DOCK2: variants seen among roughly 807,000 people sequenced by gnomAD.
DOCK2 encodes dedicator of cytokinesis protein 2.
DOCK2 carries 87 observed loss-of-function variants against 248.9 expected under a neutral mutation model. That is an observed-to-expected ratio of 0.35 (90% confidence interval 0.29 to 0.42). DOCK2 has a LOEUF of 0.42. Ranked by LOEUF, DOCK2 falls within the 10% of genes least tolerant of loss-of-function variation. The pLI is 1.00. For missense variants in DOCK2, 1,747 were observed against 2,300.2 expected (o/e 0.76, Z 4.92); for synonymous variants, 805 against 821.6 (o/e 0.98, Z 0.35).
At chr5:169,919,044 G>A (rs2113644931) in intron 27 of DOCK2, among the ~76,000 whole-genome samples, 1 of 152,286 alleles carries the variant, frequency 6.6e-6, no homozygotes, top group Admixed American at 6.5e-5. Flanking sequence ...GATTCAATAT[G>A]GTGGTCAAGG....
At chr5:169,962,691 C>T (rs551404438) in intron 27 of DOCK2, among the ~76,000 whole-genome samples, 2 of 152,022 alleles carry the variant, frequency 1.3e-5, no homozygotes, top group South Asian at 2.1e-4. Flanking sequence ...TTGGAAAATA[C>T]GGCACTAAAA....
chr5:169,874,167 C>A (rs1231384395), intron 27 of DOCK2, among the ~76,000 whole-genome samples: 1 of 152,084 alleles, frequency 6.6e-6, no homozygotes, highest in South Asian at 2.1e-4. Context: ...AATCCCAACA[C>A]TTTGGGAGGC....
intron 27 of DOCK2, among the ~76,000 whole-genome samples, chr5:169,925,287 C>T (rs1003960986): frequency 1.3e-5 from 2 of 152,090 alleles, no homozygotes; most frequent in Non-Finnish European, 2.9e-5. Flanking sequence ...TGACTGAAAC[C>T]CTGCAGGTAA....
chr5:169,672,647 C>T (rs528162346), intron 5 of DOCK2, among the ~76,000 whole-genome samples: 1 of 152,282 alleles, frequency 6.6e-6, no homozygotes, highest in East Asian at 1.9e-4. Flanking sequence ...CTGCCAGACT[C>T]CATGGGTTTA....
intron 26 of DOCK2, 57 bp downstream of exon 26, chr5:169,803,263 C>T (rs1767113057): frequency 1.3e-6 from 2 of 1,571,876 alleles, no homozygotes; most frequent in Non-Finnish European, 1.7e-6. Context: ...AAGTTGATTA[C>T]ATTGTGAAAT....
chr5:169,653,455 C>T (rs1179120429), intron 1 of DOCK2, among the ~76,000 whole-genome samples: 6 of 152,166 alleles, frequency 3.9e-5, no homozygotes, highest in Non-Finnish European at 8.8e-5. Flanking sequence ...AGTCTGGAGA[C>T]GTAGCTACTG....
At chr5:169,648,464 T>C (rs1017530339) in intron 1 of DOCK2, among the ~76,000 whole-genome samples, 5 of 152,250 alleles carry the variant, frequency 3.3e-5, no homozygotes, top group Admixed American at 6.5e-5. Context: ...CGCTACAATA[T>C]GCAGCCCATA....
chr5:169,683,518 A>C (rs538006529), intron 7 of DOCK2, among the ~76,000 whole-genome samples: 11 of 152,306 alleles, frequency 7.2e-5, no homozygotes, highest in Admixed American at 2.0e-4. Flanking sequence ...GGTGTGAGCC[A>C]CCACGCCAGC....
At chr5:170,008,311 A>G (rs1346558479) in intron 30 of DOCK2, among the ~76,000 whole-genome samples, 186 bp from the exon 31 acceptor site, 1 of 152,044 alleles carries the variant, frequency 6.6e-6, no homozygotes, top group Non-Finnish European at 1.5e-5. Context: ...AAATCCATCC[A>G]TTGTCCTCAC....
intron 27 of DOCK2, among the ~76,000 whole-genome samples, chr5:169,955,519 G>C (rs1357842101): frequency 6.6e-6 from 1 of 152,150 alleles, no homozygotes; most frequent in Non-Finnish European, 1.5e-5. Context: ...CCTTTGAATT[G>C]GATGAAATGT....
chr5:169,670,001 T>C (rs1016247892), intron 3 of DOCK2, among the ~76,000 whole-genome samples: 4 of 152,206 alleles, frequency 2.6e-5, no homozygotes, highest in African/African-American at 9.7e-5. Context: ...TATTCTGCTC[T>C]CTCAAAGAAC....
intron 26 of DOCK2, among the ~76,000 whole-genome samples, chr5:169,819,688 C>T (rs962975202): frequency 3.9e-5 from 6 of 152,188 alleles, no homozygotes; most frequent in African/African-American, 1.2e-4. Flanking sequence ...CATCTCCCAG[C>T]GTGAGCGACA....
In DOCK2 at chr5:169,708,371, C is replaced by T. The variant is rs1382124462; in HGVS notation, c.1482+104C>T. The T allele has an allele frequency of 1.8e-5, 20 of 1,137,192 alleles. No homozygotes were observed. In the South Asian group the frequency reaches 1.8e-4, roughly 10 times the overall value. The allele number at this position is 1,137,192 out of a possible 1,614,324, so 70.4% of individuals were successfully genotyped here. A position where few individuals can be genotyped will look rare whatever the true frequency, so the allele number is the denominator to read the frequency against. On this transcript the variant is annotated intron_variant, in intron 15 of 51. Transcript: ENST00000520908. ...TAATTTATGTATTGCTTACAACAGC[C>T]GTGTGAGGTTTGTACTAATATTTCC...
rs186813325 is a variant in DOCK2, at chr5:169,741,275, C to A, written c.2268-6121C>A. 1.8e-4 allele frequency among the ~76,000 whole-genome samples: 28 copies of A among 152,218 alleles called. No individual in the cohort carries two copies. The East Asian group carries it at 5.4e-3, about 29-fold the overall frequency. On this transcript the variant is annotated intron_variant, in intron 22 of 51. Transcript: ENST00000520908. ...GGAAGGGATGAATTAGGAAGGGAAC[C>A]GTCTCTTTCACGAATCCTTTGCATG...
At chr5:169,966,118 G>A (rs573465393) in intron 27 of DOCK2, among the ~76,000 whole-genome samples, 1 of 152,302 alleles carries the variant, frequency 6.6e-6, no homozygotes, top group East Asian at 1.9e-4. Context: ...GAAGTTGTAA[G>A]GCCTTTAAAA....
intron 27 of DOCK2, among the ~76,000 whole-genome samples, chr5:169,915,083 C>T (rs564317460): frequency 1.3e-5 from 2 of 152,334 alleles, no homozygotes. Flanking sequence ...AGAATCAATT[C>T]TAGGCCTTGA....
chr5:170,010,779 G>A (rs536311168), intron 32 of DOCK2, among the ~76,000 whole-genome samples: 1 of 152,302 alleles, frequency 6.6e-6, no homozygotes, highest in South Asian at 2.1e-4. Context: ...AAGCTGTGGC[G>A]GGCTTCCTTC....
At position 169,763,681 on chromosome 5, in the gene DOCK2, A is replaced by G. The variant is rs1313484705; in HGVS notation, c.2554+2056A>G. On this transcript the variant is annotated intron_variant, in intron 25 of 51. Transcript: ENST00000520908. The surrounding 1 kb of genome is among the most constrained non-coding windows in gnomAD (Gnocchi z 4.1). Reference sequence around the variant, plus strand: ...TGTGTGTCTGGGTTTCAGATTCAGTAGAAACCCTCTGATTAATATTAACTG... The same window carrying G: ...TGTGTGTCTGGGTTTCAGATTCAGTGGAAACCCTCTGATTAATATTAACTG... Among the ~76,000 whole-genome samples, 1 of 152,236 alleles carries G rather than the reference A, an allele frequency of 6.6e-6. No homozygotes were observed. The highest frequency in any genetic ancestry group is 2.4e-5 in the African/African-American group (1 of 41,462).
At chr5:169,856,868 C>T (rs1401737855) in intron 27 of DOCK2, among the ~76,000 whole-genome samples, 1 of 152,094 alleles carries the variant, frequency 6.6e-6, no homozygotes, top group African/African-American at 2.4e-5. Flanking sequence ...AGATGAAGCA[C>T]CAAGTAGAGG....
Sources: allele counts gnomAD v4.1 joint callset (sites outside exome capture counted in the v4.1 genomes callset), GRCh38; gene constraint gnomAD v4.1.1; non-coding constraint Gnocchi (gnomAD v3.1); transcripts MANE v1.5; gene names NCBI Gene and HGNC (gene_info 2026-07-23, HGNC 2026-07-21).